The following CA10 variants were observed in gnomAD, a reference collection of about 807,000 sequenced individuals.
CA10 encodes carbonic anhydrase 10 (inactive).
In CA10, 14 loss-of-function variants were observed where a neutral mutation model predicts 44.2. The observed-to-expected ratio is 0.32, with a 90% confidence interval of 0.21 to 0.50. The LOEUF is 0.50. Among genes scored for constraint, CA10 ranks in the 20% least tolerant of loss-of-function variants. CA10 has a pLI of 0.99. For missense variants in CA10, 350 were observed against 409.7 expected (o/e 0.85, Z 1.26); for synonymous variants, 159 against 141.6 (o/e 1.12, Z -0.87).
intron 2 of CA10, among the ~76,000 whole-genome samples, chr17:52,027,143 G>A (rs1272663689): frequency 2.0e-5 from 3 of 152,070 alleles, no homozygotes; most frequent in East Asian, 1.9e-4. Context: ...ATCATAAGGA[G>A]CATGCAACCT....
intron 3 of CA10, among the ~76,000 whole-genome samples, chr17:51,913,689 A>G (rs923975895): frequency 6.6e-6 from 1 of 152,024 alleles, no homozygotes; most frequent in Non-Finnish European, 1.5e-5. Context: ...CCAGCCTCCA[A>G]GGAAACATAT....
chr17:51,933,779 T>C (rs28538793), intron 2 of CA10, among the ~76,000 whole-genome samples: 20,943 of 151,980 alleles, frequency 0.14, 1,762 homozygotes, highest in South Asian at 0.3. Flanking sequence ...TTTCATCTAC[T>C]CCCATGAAAA....
intron 4 of CA10, among the ~76,000 whole-genome samples, chr17:51,746,305 T>C (rs1039756073): frequency 6.6e-6 from 1 of 152,222 alleles, no homozygotes; most frequent in Admixed American, 6.5e-5. Context: ...CTTTCAGTGT[T>C]TTTACATCTG....
In CA10 at chr17:51,733,369, A is replaced by G. The variant is rs562914805; in HGVS notation, c.465+14264T>C. Among the ~76,000 whole-genome samples the G allele has an allele frequency of 2.0e-5, 3 of 152,232 alleles. No individual in the cohort carries two copies. In the East Asian group the frequency reaches 5.8e-4, roughly 29 times the overall value. ...GTTGTTCCGTCTCGTTTCCAGTTTG[A>G]GAAGGCAGGGAGGCTGGGAAGCTGA... is the stretch of plus-strand genomic sequence containing the variant. On this transcript the variant is annotated intron_variant, in intron 4 of 8. Coordinates refer to ENST00000451037, the MANE Select transcript of CA10 (RefSeq NM_020178.5).
intron 2 of CA10, among the ~76,000 whole-genome samples, chr17:51,966,892 T>C (rs760464131): frequency 6.6e-6 from 1 of 151,610 alleles, no homozygotes; most frequent in Non-Finnish European, 1.5e-5. Flanking sequence ...AGAGCTTCTG[T>C]ACAGCGAAAG....
chr17:51,738,886 G>A (rs981648989), intron 4 of CA10, among the ~76,000 whole-genome samples: 3 of 152,192 alleles, frequency 2.0e-5, no homozygotes, highest in Admixed American at 6.5e-5. Flanking sequence ...TAAGAGTCAG[G>A]AAACTTGGGT....
chr17:51,759,324 G>A (rs574380796), intron 3 of CA10, among the ~76,000 whole-genome samples: 4 of 151,154 alleles, frequency 2.6e-5, no homozygotes, highest in East Asian at 1.9e-4. Flanking sequence ...TATGCCAGCC[G>A]AAATCAAGAT....
In CA10 at chr17:51,831,789, C is replaced by T. The variant is rs988621976; in HGVS notation, c.280-83971G>A. 4.7e-5 allele frequency among the ~76,000 whole-genome samples: 7 copies of T among 149,444 alleles called. No individual in the cohort carries two copies. The East Asian group carries it at 8.0e-4, about 17-fold the overall frequency. On this transcript the variant is annotated intron_variant, in intron 3 of 8. Coordinates refer to ENST00000451037, the MANE Select transcript of CA10 (RefSeq NM_020178.5). ...TGACTGGACAGGGTTATAAGGTCAC[C>T]GCTAGTTGCAAAAGGATCTGACAAG...
intron 3 of CA10, among the ~76,000 whole-genome samples, chr17:51,798,780 A>C (rs1475334874): frequency 6.6e-6 from 1 of 152,264 alleles, no homozygotes; most frequent in Admixed American, 6.5e-5. Context: ...AAAACATTTT[A>C]TCAGGGCAGG....
At position 51,964,369 on chromosome 17, in the gene CA10, A is replaced by G. The variant is rs76356136; in HGVS notation, c.137-33237T>C. Among the ~76,000 whole-genome samples the G allele has an allele frequency of 6.0e-3, 920 of 152,106 alleles. 44 individuals carry two copies. The highest frequency in any genetic ancestry group is 0.044 in the Admixed American group (666 of 15,268). On this transcript the variant is annotated intron_variant, in intron 2 of 8. Coordinates refer to ENST00000451037, the MANE Select transcript of CA10 (RefSeq NM_020178.5). Reference sequence around the variant, plus strand: ...AGATGGATCATCAACGCAGAAAACTAAAAGAAATTCTGAACTTAGACATTT... The same window carrying G: ...AGATGGATCATCAACGCAGAAAACTGAAAGAAATTCTGAACTTAGACATTT...
chr17:52,089,211 T>C (rs1186781476), intron 1 of CA10, among the ~76,000 whole-genome samples: 1 of 152,158 alleles, frequency 6.6e-6, no homozygotes, highest in Non-Finnish European at 1.5e-5. Context: ...AATACACCAA[T>C]ATTGACCTTA....
intron 1 of CA10, among the ~76,000 whole-genome samples, chr17:52,115,561 A>G (rs1444841897): frequency 6.6e-6 from 1 of 152,172 alleles, no homozygotes; most frequent in Non-Finnish European, 1.5e-5. Context: ...TTAGGACTGT[A>G]ATGGCAGCTA....
Position 51,960,265 on chromosome 17 carries a change from C to T in CA10, c.137-29133G>A, listed in dbSNP as rs148780879. On this transcript the variant is annotated intron_variant, in intron 2 of 8. Transcript: ENST00000451037. ...CACAAATAAAAAAATATGAGCAGAG[C>T]CTCAGGGACCTGTGGGACATGTCTT... is the stretch of plus-strand genomic sequence containing the variant. 2.6e-3 allele frequency among the ~76,000 whole-genome samples: 400 copies of T among 151,946 alleles called. 1 individual carries two copies. In the Middle Eastern group the frequency reaches 0.044, roughly 17 times the overall value.
chr17:52,129,283 AG>A (rs1200707598), intron 1 of CA10, among the ~76,000 whole-genome samples: 2 of 152,182 alleles, frequency 1.3e-5, no homozygotes, highest in Non-Finnish European at 2.9e-5. Context: ...TTAAGCAAAA[AG>A]CTTCTTGTAG....
At chr17:52,144,398 T>C in intron 1 of CA10, among the ~76,000 whole-genome samples, 1 of 152,228 alleles carries the variant, frequency 6.6e-6, no homozygotes, top group Non-Finnish European at 1.5e-5. Flanking sequence ...GCCACTACTG[T>C]CAAGGCCGAA....
At chr17:51,822,922 C>A (rs1459215352) in intron 3 of CA10, among the ~76,000 whole-genome samples, 3 of 152,072 alleles carry the variant, frequency 2.0e-5, no homozygotes, top group African/African-American at 7.2e-5. Context: ...AGCCAGAATC[C>A]TTCTACAATG....
chr17:51,832,916 T>C (rs1485449886), intron 3 of CA10, among the ~76,000 whole-genome samples: 2 of 152,064 alleles, frequency 1.3e-5, no homozygotes, highest in African/African-American at 4.8e-5. Context: ...CCTATAGAGG[T>C]GATCCATGCT....
chr17:51,831,708 G>GCATCAGCAC (rs1908272967), intron 3 of CA10, among the ~76,000 whole-genome samples: 3 of 99,474 alleles, frequency 3.0e-5, no homozygotes, highest in African/African-American at 9.8e-5. Context: ...AGCAGCAGCA[G>GCATCAGCAC]CAGCAGCAGC....
intron 4 of CA10, among the ~76,000 whole-genome samples, chr17:51,665,091 A>AGACACAT (rs1914159493): frequency 6.6e-6 from 1 of 152,220 alleles, no homozygotes; most frequent in Non-Finnish European, 1.5e-5. Context: ...ATGGAAAATT[A>AGACACAT]GACACATAAC....
Sources: allele counts gnomAD v4.1 joint callset (sites outside exome capture counted in the v4.1 genomes callset), GRCh38; gene constraint gnomAD v4.1.1; transcripts MANE v1.5; gene names NCBI Gene and HGNC (gene_info 2026-07-23, HGNC 2026-07-21).